KIRREL3: variants seen among roughly 807,000 people sequenced by gnomAD.
KIRREL3 encodes kirre like nephrin family adhesion molecule 3, also known as kin of IRRE-like protein 3.
Under a neutral mutation model 89.7 loss-of-function variants are expected in KIRREL3, and 36 were observed. The ratio of observed to expected loss-of-function variants is 0.40; its 90% CI spans 0.31 to 0.53. The LOEUF is 0.53. Among genes scored for constraint, KIRREL3 ranks in the 20% least tolerant of loss-of-function variants. The probability of loss-of-function intolerance (pLI) is 0.49; values close to 1 mark genes in which losing one functional copy is unlikely to be tolerated. For synonymous variants in KIRREL3, 445 were observed against 441.4 expected, an observed-to-expected ratio of 1.01 and a Z score of -0.10; for missense variants, 864 against 1,056.6, an observed-to-expected ratio of 0.82 and a Z score of 2.53.
chr11:126,874,272 C>G (rs1945201065), intron 1 of KIRREL3, among the ~76,000 whole-genome samples: 1 of 152,214 alleles, frequency 6.6e-6, no homozygotes, highest in Admixed American at 6.5e-5. Flanking sequence ...AGTCCCTTCC[C>G]TTGAGACATG....
intron 1 of KIRREL3, among the ~76,000 whole-genome samples, chr11:126,661,788 T>C (rs1327731816): frequency 6.6e-6 from 1 of 152,210 alleles, no homozygotes; most frequent in Non-Finnish European, 1.5e-5. Flanking sequence ...ATGGGTCCTC[T>C]GTATGAATAA....
rs1026009643 is a variant in KIRREL3, at chr11:126,981,605, C to G, written c.55+18850G>C. On this transcript the variant is annotated intron_variant, in intron 1 of 16. Transcript: ENST00000525144. The surrounding 1 kb of genome is among the most constrained non-coding windows in gnomAD (Gnocchi z 4.2). Reference sequence around the variant, plus strand: ...GGTATTTCTTAATCTGAGAAGACATCTTGCCTTTTATGGCACTGTTAAAAC... The same window carrying G: ...GGTATTTCTTAATCTGAGAAGACATGTTGCCTTTTATGGCACTGTTAAAAC... Among the ~76,000 whole-genome samples the G allele has an allele frequency of 3.3e-5, 5 of 152,216 alleles. No homozygotes were observed. Among genetic ancestry groups the G allele is most frequent in the Non-Finnish European group, 4.4e-5 (3 of 68,044 alleles).
chr11:126,736,552 A>C lies in KIRREL3; in HGVS notation c.56-173640T>G, dbSNP rs1948807379. ...TTTTGTCCCCAGGGGACATTTGAGA[A>C]CATCTGAAGATATTTTCGGTTGTTA... On this transcript the variant is annotated intron_variant, in intron 1 of 16. Transcript: ENST00000525144. This position sits in a 1 kb window ranked among gnomAD's most constrained non-coding sequence, Gnocchi z 5.0. Among the ~76,000 whole-genome samples the C allele has an allele frequency of 6.6e-6, 1 of 152,124 alleles. No homozygotes were observed. Among genetic ancestry groups the C allele is most frequent in the African/African-American group, 2.4e-5 (1 of 41,420 alleles).
rs1940343439 is a variant in KIRREL3 at position 126,564,200 on chromosome 11, C to G, written c.56-1288G>C. Among the ~76,000 whole-genome samples, 2 of 152,228 alleles carry G rather than the reference C, an allele frequency of 1.3e-5. No homozygotes were observed. The highest frequency in any genetic ancestry group is 2.9e-5 in the Non-Finnish European group (2 of 68,042). Reference sequence around the variant, plus strand: ...CATCACAGCACCTTCTCCCACGACACCGACTGCCTCCCTGAACCCAGCCAG... The same window carrying G: ...CATCACAGCACCTTCTCCCACGACAGCGACTGCCTCCCTGAACCCAGCCAG... On this transcript the variant is annotated intron_variant, in intron 1 of 16. Transcript: ENST00000525144. This position sits in a 1 kb window ranked among gnomAD's most constrained non-coding sequence, Gnocchi z 7.4.
chr11:126,521,493 CTGGGG>C lies in KIRREL3; in HGVS notation c.284-34_284-30del. On this transcript the variant is annotated intron_variant, in intron 3 of 16. Coordinates refer to ENST00000525144, the MANE Select transcript of KIRREL3 (RefSeq NM_032531.4). The surrounding 1 kb of genome is among the most constrained non-coding windows in gnomAD (Gnocchi z 4.1). ...TGGAGACAACAGGCAGGTCAGGGAGCTGGGGTGGGGTGGAGGGGACACCCATGACA... is the reference window on the plus strand; with the variant it reads ...TGGAGACAACAGGCAGGTCAGGGAGCTGGGGTGGAGGGGACACCCATGACA... The C allele has an allele frequency of 6.4e-7, 1 of 1,563,972 alleles. No homozygotes were observed.
Position 126,877,817 on chromosome 11 carries a change from G to C in KIRREL3, c.55+122638C>G, listed in dbSNP as rs796561823. On this transcript the variant is annotated intron_variant, in intron 1 of 16. Transcript: ENST00000525144. The surrounding 1 kb of genome is among the most constrained non-coding windows in gnomAD (Gnocchi z 4.9). ...TGACATACAGTAGTATGTAATAACA[G>C]AAGTATCTTGAACCTATCATCCACA... is the stretch of plus-strand genomic sequence containing the variant. 1.1e-4 allele frequency among the ~76,000 whole-genome samples: 17 copies of C among 152,232 alleles called. No homozygotes were observed. The highest frequency in any genetic ancestry group is 4.1e-4 in the African/African-American group (17 of 41,548).
chr11:126,774,731 G>T, intron 1 of KIRREL3, among the ~76,000 whole-genome samples: 1 of 152,292 alleles, frequency 6.6e-6, no homozygotes, highest in Non-Finnish European at 1.5e-5. Context: ...AAGCCCATGG[G>T]CTGGGTTGGT....
At chr11:126,603,659 A>G (rs570654404) in intron 1 of KIRREL3, among the ~76,000 whole-genome samples, 13 of 152,360 alleles carry the variant, frequency 8.5e-5, no homozygotes, top group African/African-American at 3.1e-4. Flanking sequence ...GCGCTGCTGC[A>G]TCTGCTCTCT....
At chr11:126,591,410 T>G (rs1942126541) in intron 1 of KIRREL3, among the ~76,000 whole-genome samples, 1 of 152,232 alleles carries the variant, frequency 6.6e-6, no homozygotes. Flanking sequence ...GTGGGAGGTT[T>G]GTGCAAGGTT....
At position 126,586,203 on chromosome 11, in the gene KIRREL3, C is replaced by A. The variant is rs543091202; in HGVS notation, c.56-23291G>T. 2.6e-5 allele frequency among the ~76,000 whole-genome samples: 4 copies of A among 152,266 alleles called. No homozygotes were observed. The South Asian group carries it at 8.3e-4, about 32-fold the overall frequency. ...CAAGGCATTTGGCCCAGAAAAGGCA[C>A]CTGAGGACCTTGAATTAGAGCGGCC... On this transcript the variant is annotated intron_variant, in intron 1 of 16. Transcript: ENST00000525144.
Position 126,454,336 on chromosome 11 carries a change from C to T in KIRREL3, c.848+2013G>A, listed in dbSNP as rs183437664. Among the ~76,000 whole-genome samples the T allele has an allele frequency of 5.9e-3, 901 of 152,282 alleles. 9 individuals are homozygous for T. The highest frequency in any genetic ancestry group is 0.019 in the African/African-American group (808 of 41,566). On this transcript the variant is annotated intron_variant, in intron 7 of 16. Coordinates refer to ENST00000525144, the MANE Select transcript of KIRREL3 (RefSeq NM_032531.4). This position sits in a 1 kb window ranked among gnomAD's most constrained non-coding sequence, Gnocchi z 5.8. ...GTCCCAGGGCGTGCAGCCCTGCTGT[C>T]TGCCCAGCCTACCCATCACTAGGAC...
intron 5 of KIRREL3, among the ~76,000 whole-genome samples, chr11:126,469,610 G>A (rs1208042914): frequency 6.6e-6 from 1 of 152,222 alleles, no homozygotes; most frequent in African/African-American, 2.4e-5. Context: ...CGTGCCTGGG[G>A]AAGCTCCACT....
chr11:126,953,844 T>C lies in KIRREL3; in HGVS notation c.55+46611A>G, dbSNP rs76692781. On this transcript the variant is annotated intron_variant, in intron 1 of 16. Transcript: ENST00000525144. This position sits in a 1 kb window ranked among gnomAD's most constrained non-coding sequence, Gnocchi z 5.2. ...AAATTCTGCAGTGACTTTTCCCTGG[T>C]GTTATTAGTTGTTTGGGTTTTTCTC... Among the ~76,000 whole-genome samples, 984 of 152,202 alleles carry C rather than the reference T, an allele frequency of 6.5e-3. 7 individuals carry two copies. Among genetic ancestry groups the C allele is most frequent in the African/African-American group, 0.022 (920 of 41,544 alleles).
At position 126,427,413 on chromosome 11, in the gene KIRREL3, G is replaced by GC. The variant is rs549271381; in HGVS notation, c.1807-1690dup. On this transcript the variant is annotated intron_variant, in intron 15 of 16. Coordinates refer to ENST00000525144, the MANE Select transcript of KIRREL3 (RefSeq NM_032531.4). This position sits in a 1 kb window ranked among gnomAD's most constrained non-coding sequence, Gnocchi z 5.3. ...GGCACATACAAAGTGTTTTGGGAGA[G>GC]CAGAAGGTGCACAGCTCCGCCAGGG... Among the ~76,000 whole-genome samples the GC allele has an allele frequency of 1.7e-3, 266 of 152,336 alleles. 1 individual carries two copies. Among genetic ancestry groups the GC allele is most frequent in the Non-Finnish European group, 3.1e-3 (211 of 68,036 alleles).
chr11:126,897,877 C>G lies in KIRREL3; in HGVS notation c.55+102578G>C, dbSNP rs763562304. On this transcript the variant is annotated intron_variant, in intron 1 of 16. Coordinates refer to ENST00000525144, the MANE Select transcript of KIRREL3 (RefSeq NM_032531.4). The surrounding 1 kb of genome is among the most constrained non-coding windows in gnomAD (Gnocchi z 4.2). The stretch of plus-strand genomic sequence containing the variant: ...AACTAAGTAAGTCTGCACATATCCA[C>G]TGATGTATGGCACCTCGAGTTGCTG... Among the ~76,000 whole-genome samples the G allele has an allele frequency of 2.6e-5, 4 of 152,212 alleles. No individual in the cohort carries two copies. Among genetic ancestry groups the G allele is most frequent in the Non-Finnish European group, 5.9e-5 (4 of 68,042 alleles).
chr11:126,691,336 C>T (rs984801563), intron 1 of KIRREL3, among the ~76,000 whole-genome samples: 3 of 152,138 alleles, frequency 2.0e-5, no homozygotes, highest in African/African-American at 2.4e-5. Context: ...TGTATGAGAA[C>T]GGTCATTTCA....
chr11:126,676,584 C>T lies in KIRREL3; in HGVS notation c.56-113672G>A, dbSNP rs1027179022. Among the ~76,000 whole-genome samples, 28 of 152,192 alleles carry T rather than the reference C, an allele frequency of 1.8e-4. No homozygotes were observed. In the South Asian group the frequency reaches 4.8e-3, roughly 26 times the overall value. ...AACCTCCCATAGCAGTCTGTGAATA[C>T]GTATTCTGAGGGGTCTTTGAGTTCT... On this transcript the variant is annotated intron_variant, in intron 1 of 16. Coordinates refer to ENST00000525144, the MANE Select transcript of KIRREL3 (RefSeq NM_032531.4). The surrounding 1 kb of genome is among the most constrained non-coding windows in gnomAD (Gnocchi z 4.5).
chr11:126,451,335 T>TGTGTTCATGTGTGAGC (rs1956132950), intron 7 of KIRREL3, among the ~76,000 whole-genome samples: 1 of 141,088 alleles, frequency 7.1e-6, no homozygotes, highest in African/African-American at 2.8e-5. Context: ...CATTAGTGAG[T>TGTGTTCATGTGTGAGC]GTGTGCATGT....
In KIRREL3 at chr11:126,680,952, G is replaced by T. The variant is rs559041489; in HGVS notation, c.56-118040C>A. Among the ~76,000 whole-genome samples the T allele has an allele frequency of 1.2e-3, 183 of 152,288 alleles. 4 individuals carry two copies. In the South Asian group the frequency reaches 0.028, roughly 23 times the overall value. ...TGAACACTTAGTGGTTTCCCCCACT[G>T]CTCTGTCTGTCACAGCAAGATTTGC... On this transcript the variant is annotated intron_variant, in intron 1 of 16. Coordinates refer to ENST00000525144, the MANE Select transcript of KIRREL3 (RefSeq NM_032531.4).
Sources: allele counts gnomAD v4.1 joint callset (sites outside exome capture counted in the v4.1 genomes callset), GRCh38; gene constraint gnomAD v4.1.1; non-coding constraint Gnocchi (gnomAD v3.1); transcripts MANE v1.5; gene names NCBI Gene and HGNC (gene_info 2026-07-23, HGNC 2026-07-21).